Variants in ZNF638 observed in about 807,000 individuals in gnomAD.
ZNF638 encodes the protein CTCL tumor antigen se33-1.
ZNF638 carries 46 observed loss-of-function variants against 195.6 expected under a neutral mutation model. The ratio of observed to expected loss-of-function variants is 0.24; its 90% CI spans 0.19 to 0.30. The LOEUF (loss-of-function observed/expected upper bound fraction) is 0.30, where lower values mean the gene tolerates loss of function less well. Ranked by LOEUF, ZNF638 falls within the 10% of genes least tolerant of loss-of-function variation. ZNF638 has a pLI of 1.00. For synonymous variants in ZNF638, 845 were observed against 772.0 expected (o/e 1.09, Z -1.57); for missense variants, 2,440 against 2,325.3 (o/e 1.05, Z -1.01).
intron 11 of ZNF638, among the ~76,000 whole-genome samples, chr2:71,398,308 G>A (rs2079937274): frequency 6.6e-6 from 1 of 152,048 alleles, no homozygotes; most frequent in Non-Finnish European, 1.5e-5. Flanking sequence ...TACATAGCCT[G>A]AAGGCAATTT....
chr2:71,367,900 A>G (rs889688687), intron 6 of ZNF638, among the ~76,000 whole-genome samples: 1 of 152,154 alleles, frequency 6.6e-6, no homozygotes, highest in African/African-American at 2.4e-5. Flanking sequence ...TAAAGTTGAT[A>G]CTACAGTGTA....
intron 10 of ZNF638, chr2:71,395,522 A>G (rs2079874721): frequency 4.9e-6 from 3 of 615,130 alleles, no homozygotes; most frequent in Non-Finnish European, 8.7e-6. Flanking sequence ...AGGAGTGTAA[A>G]GGAATTTATC....
At position 71,403,932 on chromosome 2, in the gene ZNF638, A is replaced by G. The variant is rs1481586972; in HGVS notation, c.2892A>G (p.Pro964=). 6.2e-7 allele frequency: 1 copy of G among 1,610,726 alleles called. No homozygotes were observed. Among genetic ancestry groups the G allele is most frequent in the Non-Finnish European group, 8.5e-7 (1 of 1,177,146 alleles). ...ESMVKFYTCF[P]VLMDGNQLSI... ...TGGTAAAATTTTATACCTGCTTCCC[A>G]GTATTGATGGATGGAAATCAACTCT... Residue 964 remains proline (P), a synonymous_variant, in exon 17 of 28, where the codon CCA becomes CCG. Transcript: ENST00000264447.
rs531122518 is a variant in ZNF638, at chr2:71,424,933, G to C, written c.4590+218G>C. On this transcript the variant is annotated intron_variant, in intron 23 of 27. Coordinates refer to ENST00000264447, the MANE Select transcript of ZNF638 (RefSeq NM_014497.5). ...AACACCTTGTGTTTTCTTGAGGCGGGGGGAGCGGGCAAAATGTTATATGGG... is the reference window on the plus strand; with the variant it reads ...AACACCTTGTGTTTTCTTGAGGCGGCGGGAGCGGGCAAAATGTTATATGGG... Among the ~76,000 whole-genome samples, 13 of 152,256 alleles carry C rather than the reference G, an allele frequency of 8.5e-5. No individual in the cohort carries two copies. The East Asian group carries it at 2.5e-3, about 29-fold the overall frequency.
chr2:71,366,427 T>C (rs1310175362), intron 6 of ZNF638, among the ~76,000 whole-genome samples: 1 of 152,214 alleles, frequency 6.6e-6, no homozygotes, highest in Non-Finnish European at 1.5e-5. Context: ...TTTGAAATTA[T>C]GAGTTTTGTT....
intron 2 of ZNF638, among the ~76,000 whole-genome samples, chr2:71,355,305 C>A (rs1169167960): frequency 6.6e-6 from 1 of 152,148 alleles, no homozygotes; most frequent in African/African-American, 2.4e-5. Context: ...AGGTATTTGT[C>A]ATTGAAATAT....
chr2:71,417,271 C>A (rs1311937992), intron 20 of ZNF638, among the ~76,000 whole-genome samples: 2 of 151,394 alleles, frequency 1.3e-5, no homozygotes, highest in Admixed American at 6.6e-5. Context: ...TTCTTTGACT[C>A]GGAAAGGGAA....
chr2:71,371,151 C>T (rs2079304866), intron 8 of ZNF638, among the ~76,000 whole-genome samples: 1 of 152,084 alleles, frequency 6.6e-6, no homozygotes, highest in African/African-American at 2.4e-5. Flanking sequence ...CAGTTTCATC[C>T]ATGTTATTTT....
At chr2:71,374,392 C>T (rs1024890) in intron 8 of ZNF638, among the ~76,000 whole-genome samples, 136,983 of 152,272 alleles carry the variant, frequency 0.9, 61,696 homozygotes, top group Admixed American at 0.92. Context: ...ACAACAATTA[C>T]TATAGCTTCC....
In ZNF638 at chr2:71,420,142, G is replaced by A. The variant is rs1478212327; in HGVS notation, c.3299+1503G>A. The stretch of plus-strand genomic sequence containing the variant: ...AGGGTCTTGCTATGTTGCTCAGGCT[G>A]GCCTTGAACTCCTGGGCACAAGCTG... On this transcript the variant is annotated intron_variant, in intron 21 of 27. Transcript: ENST00000264447. Among the ~76,000 whole-genome samples, 4 of 151,478 alleles carry A rather than the reference G, an allele frequency of 2.6e-5. No homozygotes were observed. In the South Asian group the frequency reaches 8.3e-4, roughly 32 times the overall value.
At chr2:71,362,501 A>C (rs1243627247) in intron 3 of ZNF638, among the ~76,000 whole-genome samples, 1 of 152,128 alleles carries the variant, frequency 6.6e-6, no homozygotes, top group Non-Finnish European at 1.5e-5. Flanking sequence ...ATTTGTCTCT[A>C]CCTGAAACAA....
intron 10 of ZNF638, chr2:71,395,526 A>G (rs192108118): frequency 1.5e-5 from 9 of 614,390 alleles, no homozygotes; most frequent in South Asian, 1.1e-4. Context: ...GTGTAAAGGA[A>G]TTTATCTAGA....
Position 71,368,236 on chromosome 2 carries a change from G to A in ZNF638, c.1996-146G>A, listed in dbSNP as rs7589243. The stretch of plus-strand genomic sequence containing the variant: ...TTTAAAAATGCGTAAAGGAGGTGGT[G>A]AAGGAAAAAGAAAAATGGGTAAAAA... On this transcript the variant is annotated intron_variant, in intron 6 of 27. Transcript: ENST00000264447. 2.3e-3 allele frequency: 1,428 copies of A among 611,106 alleles called. 8 individuals carry two copies. The highest frequency in any genetic ancestry group is 0.019 in the African/African-American group (1,004 of 52,258). The allele number at this position is 611,106 out of a possible 1,614,324, so 37.9% of individuals were successfully genotyped here. A position where few individuals can be genotyped will look rare whatever the true frequency, so the allele number is the denominator to read the frequency against.
intron 6 of ZNF638, among the ~76,000 whole-genome samples, chr2:71,367,089 G>A (rs3755335): frequency 0.75 from 113,540 of 152,034 alleles, 42,944 homozygotes; most frequent in Admixed American, 0.77. Context: ...ATAAACTTCT[G>A]ATAATCAACC....
rs773211795 is a variant in ZNF638 at position 71,426,862 on chromosome 2, G to A, written c.4993G>A (p.Val1665Ile). 19 of 1,614,158 alleles carry A rather than the reference G, an allele frequency of 1.2e-5. No homozygotes were observed. The highest frequency in any genetic ancestry group is 1.5e-5 in the Non-Finnish European group (18 of 1,179,988). ...ISHSEPKDVT[V>I]LSVAEEQDLL... ...CCACAGTGAACCTAAAGATGTTACTGTTCTGTCAGTGGCTGAAGAACAAGA... is the reference window on the plus strand; with the variant it reads ...CCACAGTGAACCTAAAGATGTTACTATTCTGTCAGTGGCTGAAGAACAAGA... The change falls in exon 24 of 28, where the codon GTT becomes ATT. Residue 1665 changes from valine to isoleucine, a missense_variant. This residue lies in a region of ZNF638 where 1,883 missense variants were observed against 1,739.1 expected (regional missense o/e 1.08). Transcript: ENST00000264447.
intron 8 of ZNF638, chr2:71,376,170 AG>A (rs2079419217): frequency 6.6e-6 from 1 of 152,258 alleles, no homozygotes; most frequent in African/African-American, 2.4e-5. Context: ...AGCAATGAAT[AG>A]GTAAAGAAAA....
At chr2:71,422,519 C>T (rs931791347) in intron 21 of ZNF638, among the ~76,000 whole-genome samples, 1 of 152,158 alleles carries the variant, frequency 6.6e-6, no homozygotes, top group Non-Finnish European at 1.5e-5. Flanking sequence ...TCACATTTGA[C>T]CTTTCAATGT....
chr2:71,424,733 G>A lies in ZNF638; in HGVS notation c.4590+18G>A. 6.3e-7 allele frequency: 1 copy of A among 1,595,820 alleles called. No individual in the cohort carries two copies. Among genetic ancestry groups the A allele is most frequent in the Non-Finnish European group, 8.6e-7 (1 of 1,165,928 alleles). ...CTAAAGAGGTAAAAAATAGATCACAGACCCTAACCCTTCTTTTTCATCTCC... is the reference window on the plus strand; with the variant it reads ...CTAAAGAGGTAAAAAATAGATCACAAACCCTAACCCTTCTTTTTCATCTCC... On this transcript the variant is annotated intron_variant, in intron 23 of 27. Transcript: ENST00000264447.
intron 22 of ZNF638, 101 bp from the exon 23 acceptor site, chr2:71,424,549 G>A (rs904606206): frequency 9.0e-6 from 8 of 892,990 alleles, no homozygotes; most frequent in Non-Finnish European, 1.4e-5. Context: ...CTGTATTTGG[G>A]TAATGTTTAC....
Sources: gnomAD v4.1 joint callset for allele counts (sites outside exome capture counted in the v4.1 genomes callset) on GRCh38, gnomAD v4.1.1 for gene constraint, gnomAD v4.1.1 regional missense constraint, MANE v1.5 for transcripts, NCBI Gene and HGNC (gene_info 2026-07-23, HGNC 2026-07-21) for gene names.